The following ADAM12 variants were observed in gnomAD, a reference collection of about 807,000 sequenced individuals.
ADAM12 encodes disintegrin and metalloproteinase domain-containing protein 12.
ADAM12 carries 70 observed loss-of-function variants against 106.4 expected under a neutral mutation model. The ratio of observed to expected loss-of-function variants is 0.66; its 90% confidence interval spans 0.54 to 0.80. ADAM12 has a LOEUF of 0.80. ADAM12 is among the 30% of genes least tolerant of loss of function. The pLI, the probability that ADAM12 is intolerant of heterozygous loss-of-function variation, is 0.00. For synonymous variants in ADAM12, 420 were observed against 433.5 expected (o/e 0.97, Z 0.39); for missense variants, 1,010 against 1,171.9 (o/e 0.86, Z 2.02).
chr10:126,283,140 T>C (rs371507288), intron 2 of ADAM12, among the ~76,000 whole-genome samples: 3 of 152,066 alleles, frequency 2.0e-5, no homozygotes, highest in East Asian at 3.9e-4. Flanking sequence ...TTTGTGCTCC[T>C]ATGAGAACCC....
intron 3 of ADAM12, among the ~76,000 whole-genome samples, chr10:126,160,294 C>T (rs1956909352): frequency 6.6e-6 from 1 of 152,086 alleles, no homozygotes; most frequent in Non-Finnish European, 1.5e-5. Flanking sequence ...CTATCTCCTT[C>T]AAAACAACAT....
chr10:126,081,050 C>A (rs1955203392), intron 11 of ADAM12, among the ~76,000 whole-genome samples: 1 of 151,954 alleles, frequency 6.6e-6, no homozygotes, highest in South Asian at 2.1e-4. Context: ...GCTTTTCTTG[C>A]TGGAAATTAG....
intron 3 of ADAM12, among the ~76,000 whole-genome samples, chr10:126,197,028 A>C (rs1957609382): frequency 6.6e-6 from 1 of 152,158 alleles, no homozygotes; most frequent in Non-Finnish European, 1.5e-5. Context: ...ATTTTGGGTA[A>C]GAGGGAGCTG....
chr10:126,324,296 G>A (rs1854212854), intron 2 of ADAM12, among the ~76,000 whole-genome samples: 1 of 152,222 alleles, frequency 6.6e-6, no homozygotes, highest in African/African-American at 2.4e-5. Flanking sequence ...TCAAGAATGA[G>A]TAGGACTGAG....
At chr10:126,284,417 C>A (rs934432857) in intron 2 of ADAM12, among the ~76,000 whole-genome samples, 5 of 151,036 alleles carry the variant, frequency 3.3e-5, no homozygotes, top group African/African-American at 4.9e-5. Context: ...TGAGCTAATA[C>A]CATGTGTCTC....
At chr10:126,048,623 T>G (rs1954389661) in intron 16 of ADAM12, among the ~76,000 whole-genome samples, 1 of 151,800 alleles carries the variant, frequency 6.6e-6, no homozygotes, top group Admixed American at 6.6e-5. Context: ...CTTAAAACAT[T>G]GTATTCGCTT....
chr10:126,355,859 C>T (rs1013272664), intron 1 of ADAM12, among the ~76,000 whole-genome samples: 8 of 152,164 alleles, frequency 5.3e-5, no homozygotes, highest in African/African-American at 1.9e-4. Context: ...GTGAGAGGTA[C>T]CAGCAAACAG....
In ADAM12 at chr10:126,338,624, C is replaced by CTAT. The variant is rs1176116078; in HGVS notation, c.89-8118_89-8116dup. 2.6e-5 allele frequency among the ~76,000 whole-genome samples: 4 copies of CTAT among 152,250 alleles called. No homozygotes were observed. The Middle Eastern group carries it at 0.01, about 388-fold the overall frequency. ...CCATTTTATACACTGTGAGACTAAA[C>CTAT]TATAGAGTTGTATAGGTTTTTCTCA... On this transcript the variant is annotated intron_variant, in intron 1 of 22. Transcript: ENST00000448723.
At chr10:126,075,271 A>G (rs1955077374) in intron 11 of ADAM12, among the ~76,000 whole-genome samples, 1 of 152,218 alleles carries the variant, frequency 6.6e-6, no homozygotes, top group African/African-American at 2.4e-5. Context: ...GCAGGTGACT[A>G]TTCACTCTGA....
Position 126,019,698 on chromosome 10 carries a change from AG to A in ADAM12, c.2656del (p.Leu886SerfsTer50). The stretch of plus-strand genomic sequence containing the variant: ...GGGCATGGCATGTCACACAAACCTG[AG>A]GGGTGCCAGGCGGAGCCCAGTCTCC... The part of the protein sequence containing the change: ...QWETGLRLAP[L>X]RPAPQYPHQV... On this transcript the variant is annotated frameshift_variant, in exon 22 of 23. Transcript: ENST00000448723. LOFTEE classifies it low-confidence loss of function (END_TRUNC). 5 of 1,613,470 alleles carry A rather than the reference AG, an allele frequency of 3.1e-6. No individual in the cohort carries two copies. Among genetic ancestry groups the A allele is most frequent in the Non-Finnish European group, 4.2e-6 (5 of 1,179,614 alleles).
At chr10:126,088,569 G>T (rs533439264) in intron 11 of ADAM12, among the ~76,000 whole-genome samples, 3 of 151,980 alleles carry the variant, frequency 2.0e-5, no homozygotes, top group African/African-American at 7.2e-5. Flanking sequence ...AATTAGCTGG[G>T]CATGGTGGTG....
intron 3 of ADAM12, among the ~76,000 whole-genome samples, chr10:126,184,875 G>A (rs531226434): frequency 2.6e-4 from 40 of 152,062 alleles, no homozygotes; most frequent in Admixed American, 2.6e-3. Flanking sequence ...TTATTTCTTC[G>A]GGACTCCATG....
chr10:126,243,483 G>GT (rs1565162675), intron 3 of ADAM12, among the ~76,000 whole-genome samples: 3 of 95,362 alleles, frequency 3.1e-5, no homozygotes, highest in African/African-American at 1.1e-4. Context: ...CTGTGTGTGT[G>GT]AGTGTATGTG....
chr10:126,021,871 A>C (rs1590294770), intron 21 of ADAM12, among the ~76,000 whole-genome samples: 1 of 152,222 alleles, frequency 6.6e-6, no homozygotes, highest in Non-Finnish European at 1.5e-5. Flanking sequence ...AAAAAGCACC[A>C]TAACCCTACC....
chr10:126,073,632 T>G (rs1267271381), intron 11 of ADAM12, among the ~76,000 whole-genome samples: 1 of 152,212 alleles, frequency 6.6e-6, no homozygotes, highest in Non-Finnish European at 1.5e-5. Context: ...AGTATTTGGT[T>G]TTCTGTTCCT....
intron 2 of ADAM12, among the ~76,000 whole-genome samples, chr10:126,285,720 T>C (rs549097274): frequency 2.3e-4 from 35 of 152,184 alleles, no homozygotes; most frequent in Non-Finnish European, 4.4e-4. Context: ...AGTGCACATG[T>C]GCTCACAGGA....
At chr10:126,263,051 C>T (rs1959031819) in intron 3 of ADAM12, among the ~76,000 whole-genome samples, 1 of 152,228 alleles carries the variant, frequency 6.6e-6, no homozygotes, top group African/African-American at 2.4e-5. Context: ...GCCACTCGCT[C>T]AGGGTTTCCT....
At chr10:126,304,375 T>C (rs1960753881) in intron 2 of ADAM12, among the ~76,000 whole-genome samples, 1 of 149,314 alleles carries the variant, frequency 6.7e-6, no homozygotes, top group Admixed American at 6.7e-5. Context: ...GATGGAAAAG[T>C]AGAAAATAAA....
chr10:126,197,331 C>T (rs909791325), intron 3 of ADAM12, among the ~76,000 whole-genome samples: 4 of 152,166 alleles, frequency 2.6e-5, no homozygotes, highest in Non-Finnish European at 5.9e-5. Flanking sequence ...TCCCTGAGGC[C>T]GAGCCTGGTG....
Sources: allele counts gnomAD v4.1 joint callset (sites outside exome capture counted in the v4.1 genomes callset), GRCh38; gene constraint gnomAD v4.1.1; transcripts MANE v1.5; gene names NCBI Gene and HGNC (gene_info 2026-07-23, HGNC 2026-07-21).